The following FBL variants were observed in gnomAD, a reference collection of about 807,000 sequenced individuals.
FBL encodes rRNA 2'-O-methyltransferase fibrillarin.
FBL carries 10 observed loss-of-function variants against 42.2 expected under a neutral mutation model. That is an observed-to-expected ratio of 0.24 (90% CI 0.15 to 0.40). FBL has a LOEUF of 0.40. Among genes scored for constraint, FBL ranks in the 10% least tolerant of loss-of-function variants. The pLI, the probability that FBL is intolerant of heterozygous loss-of-function variation, is 1.00. For missense variants in FBL, 351 were observed against 439.2 expected, an observed-to-expected ratio of 0.80 and a Z score of 1.79; for synonymous variants, 165 against 165.4, an observed-to-expected ratio of 1.00 and a Z score of 0.02.
At position 39,840,915 on chromosome 19, in the gene FBL, A is replaced by G. The variant is rs913044755; in HGVS notation, c.11-128T>C. On this transcript the variant is annotated intron_variant, in intron 1 of 8. Transcript: ENST00000221801. The surrounding 1 kb of genome is among the most constrained non-coding windows in gnomAD (Gnocchi z 4.5). ...CCCGTGTACAGCAGGACACATTTCC[A>G]AGAATGTCCACAGCAAAAGAAAAGT... 3.7e-5 allele frequency: 32 copies of G among 873,530 alleles called. No homozygotes were observed. Among genetic ancestry groups the G allele is most frequent in the Non-Finnish European group, 5.3e-5 (32 of 607,158 alleles). 54.1% of individuals were successfully genotyped at this position (873,530 alleles called of 1,614,324 possible). A position where few individuals can be genotyped will look rare whatever the true frequency, so the allele number is the denominator to read the frequency against.
rs746707722 is a variant in FBL at position 39,834,765 on chromosome 19, C to G, written c.844G>C (p.Glu282Gln). The G allele has an allele frequency of 3.7e-6, 6 of 1,614,146 alleles. No homozygotes were observed. In the South Asian group the frequency reaches 6.6e-5, roughly 18 times the overall value. Residue 282 changes from glutamate to glutamine, a missense_variant, in exon 8 of 9, where the codon GAA (glutamate) becomes CAA (glutamine). Coordinates refer to ENST00000221801, the MANE Select transcript of FBL (RefSeq NM_001436.4). The part of the protein sequence containing the change: ...TASAEAVFAS[E>Q]VKKMQQENMK... ...TTCTCCTGTTGCATCTTTTTCACTT[C>G]GGAGGCAAACACGGCCTCGGCTGAG...
chr19:39,840,515 C>T lies in FBL; in HGVS notation c.182G>A (p.Gly61Asp). Residue 61 changes from glycine to aspartate, a missense_variant and splice_region_variant, in exon 3 of 9, where the codon GGT (glycine) becomes GAT (aspartate). Gly to Asp is a moderately conservative substitution (Grantham distance 94, BLOSUM62 -1). Coordinates refer to ENST00000221801, the MANE Select transcript of FBL (RefSeq NM_001436.4). The surrounding 1 kb of genome is among the most constrained non-coding windows in gnomAD (Gnocchi z 4.5). ...GGGGGGGGRG[G>D]GGFHSGGNRG... is the part of the protein sequence containing the mutation. ...GTTGCCACCAGAATGGAAGCCTCCA[C>T]CTATAAAGGAGAGGTACAACAGGAG... The T allele has an allele frequency of 1.2e-6, 2 of 1,614,132 alleles. No individual in the cohort carries two copies. Among genetic ancestry groups the T allele is most frequent in the African/African-American group, 2.7e-5 (2 of 75,034 alleles).
In FBL at chr19:39,840,893, G is replaced by A. The variant is rs757870849; in HGVS notation, c.11-106C>T. 168 of 1,067,138 alleles carry A rather than the reference G, an allele frequency of 1.6e-4. No individual in the cohort carries two copies. Among genetic ancestry groups the A allele is most frequent in the Non-Finnish European group, 1.8e-4 (140 of 763,322 alleles). The allele number at this position is 1,067,138 out of a possible 1,614,324, so 66.1% of individuals were successfully genotyped here. ...TGAGAAACCTGAAATACATGTGCCC[G>A]TGTACAGCAGGACACATTTCCAAGA... On this transcript the variant is annotated intron_variant, in intron 1 of 8. Coordinates refer to ENST00000221801, the MANE Select transcript of FBL (RefSeq NM_001436.4). The surrounding 1 kb of genome is among the most constrained non-coding windows in gnomAD (Gnocchi z 4.5).
At position 39,840,668 on chromosome 19, in the gene FBL, C is replaced by G; in HGVS notation, c.130G>C (p.Gly44Arg). The G allele has an allele frequency of 6.2e-7, 1 of 1,608,170 alleles. No individual in the cohort carries two copies. Among genetic ancestry groups the G allele is most frequent in the Non-Finnish European group, 8.5e-7 (1 of 1,177,326 alleles). Reference sequence around the variant, plus strand: ...CCGCCGCCTCCACCTCCTCCTCGTCCACGACCTCTAAAGCCTCCGCCTCGA... The same window carrying G: ...CCGCCGCCTCCACCTCCTCCTCGTCGACGACCTCTAAAGCCTCCGCCTCGA... ...RGRGGGFRGR[G>R]RGGGGGGGGG... Residue 44 changes from glycine (G) to arginine (R), a missense_variant, in exon 2 of 9, where the codon GGA becomes CGA. Transcript: ENST00000221801. This position sits in a 1 kb window ranked among gnomAD's most constrained non-coding sequence, Gnocchi z 4.5.
chr19:39,846,271 G>A lies in FBL; in HGVS notation c.10+20C>T. 2 of 1,613,726 alleles carry A rather than the reference G, an allele frequency of 1.2e-6. No homozygotes were observed. Among genetic ancestry groups the A allele is most frequent in the Non-Finnish European group, 1.7e-6 (2 of 1,179,770 alleles). On this transcript the variant is annotated intron_variant, in intron 1 of 8. Coordinates refer to ENST00000221801, the MANE Select transcript of FBL (RefSeq NM_001436.4). Reference sequence around the variant, plus strand: ...CGCCCGGCCTCCGTCCCTGACCCCGGACCCTCACCCCAGCCTGACCTGGCT... The same window carrying A: ...CGCCCGGCCTCCGTCCCTGACCCCGAACCCTCACCCCAGCCTGACCTGGCT...
chr19:39,837,384 C>T (rs529858437), intron 6 of FBL, among the ~76,000 whole-genome samples: 11 of 152,150 alleles, frequency 7.2e-5, no homozygotes, highest in Admixed American at 5.2e-4. Flanking sequence ...TATGCTCTCA[C>T]CAGACAATGA....
At chr19:39,837,519 G>A (rs1969073290) in intron 6 of FBL, among the ~76,000 whole-genome samples, 192 bp downstream of exon 6, 1 of 152,142 alleles carries the variant, frequency 6.6e-6, no homozygotes, top group African/African-American at 2.4e-5. Flanking sequence ...TCCAAGGGTG[G>A]CTTCCAAGAC....
intron 5 of FBL, 27 bp from the exon 6 acceptor site, chr19:39,837,870 A>G: frequency 6.2e-7 from 1 of 1,604,680 alleles, no homozygotes; most frequent in Non-Finnish European, 8.5e-7. Context: ...ATTAATGAAC[A>G]GTGATGCTAG....
chr19:39,838,932 C>T, intron 5 of FBL, 103 bp downstream of exon 5: 2 of 1,049,586 alleles, frequency 1.9e-6, no homozygotes, highest in South Asian at 1.5e-5. Context: ...AGGGCCTGGC[C>T]CTAAGTCACA....
At chr19:39,839,538 T>G (rs1969116014) in intron 4 of FBL, among the ~76,000 whole-genome samples, 1 of 151,982 alleles carries the variant, frequency 6.6e-6, no homozygotes, top group African/African-American at 2.4e-5. Flanking sequence ...GTGTAAGTAT[T>G]CACCGAACTA....
At position 39,840,258 on chromosome 19, in the gene FBL, T is replaced by C. The variant is rs1568541124; in HGVS notation, c.353A>G (p.Tyr118Cys). 6.2e-6 allele frequency: 10 copies of C among 1,613,942 alleles called. No homozygotes were observed. The highest frequency in any genetic ancestry group is 8.5e-6 in the Non-Finnish European group (10 of 1,179,966). The change falls in exon 4 of 9, where the codon TAT becomes TGT. Residue 118 changes from tyrosine (Y) to cysteine (C), a missense_variant. Transcript: ENST00000221801. The surrounding 1 kb of genome is among the most constrained non-coding windows in gnomAD (Gnocchi z 4.5). ...CGAAATCGAGACTCTCTTCTCTCCA[T>C]AAACTGATTCCCCAGGGACCAGGTT... ...TKNLVPGESV[Y>C]GEKRVSISEG... is the part of the protein sequence containing the mutation.
intron 8 of FBL, 22 bp from the exon 9 acceptor site, chr19:39,834,584 T>C: frequency 6.2e-7 from 1 of 1,614,170 alleles, no homozygotes; most frequent in Non-Finnish European, 8.5e-7. Context: ...AGATAGGTGA[T>C]GAAGGAGGGT....
chr19:39,834,888 T>A, intron 7 of FBL, 75 bp from the exon 8 acceptor site: 2 of 1,475,432 alleles, frequency 1.4e-6, no homozygotes, highest in Admixed American at 3.6e-5. Flanking sequence ...TTAAACCAGA[T>A]GTTTTCATTA....
At position 39,836,841 on chromosome 19, in the gene FBL, C is replaced by T. The variant is rs1026624598; in HGVS notation, c.683-173G>A. 4.5e-4 allele frequency among the ~76,000 whole-genome samples: 69 copies of T among 152,252 alleles called. 1 individual carries two copies. Among genetic ancestry groups the T allele is most frequent in the Non-Finnish European group, 1.5e-5 (1 of 68,044 alleles). On this transcript the variant is annotated intron_variant, in intron 6 of 8. Coordinates refer to ENST00000221801, the MANE Select transcript of FBL (RefSeq NM_001436.4). ...CCAGTGTCCCAAGATGAGTCCAAAA[C>T]CCACAGTCACATCATTCATCCACTC...
rs184643003 is a variant in FBL, at chr19:39,846,270, G to A, written c.10+21C>T. 1,002 of 1,613,600 alleles carry A rather than the reference G, an allele frequency of 6.2e-4. 10 individuals are homozygous for A. In the African/African-American group the frequency reaches 9.8e-3, roughly 16 times the overall value. On this transcript the variant is annotated intron_variant, in intron 1 of 8. Coordinates refer to ENST00000221801, the MANE Select transcript of FBL (RefSeq NM_001436.4). ...CCGCCCGGCCTCCGTCCCTGACCCC[G>A]GACCCTCACCCCAGCCTGACCTGGC...
In FBL at chr19:39,840,341, T is replaced by G; in HGVS notation, c.284-14A>C. 3 of 1,613,380 alleles carry G rather than the reference T, an allele frequency of 1.9e-6. No individual in the cohort carries two copies. Among genetic ancestry groups the G allele is most frequent in the African/African-American group, 1.3e-5 (1 of 74,984 alleles). Reference sequence around the variant, plus strand: ...AAATGAAGACACCTGGGTGAGGGGATCAGAGCAGGGGTGAGGACCCCCAGC... The same window carrying G: ...AAATGAAGACACCTGGGTGAGGGGAGCAGAGCAGGGGTGAGGACCCCCAGC... On this transcript the variant is annotated splice_polypyrimidine_tract_variant and intron_variant, in intron 3 of 8. Transcript: ENST00000221801. The surrounding 1 kb of genome is among the most constrained non-coding windows in gnomAD (Gnocchi z 4.5).
At chr19:39,836,397 T>C (rs1969049259) in intron 7 of FBL, among the ~76,000 whole-genome samples, 159 bp downstream of exon 7, 1 of 152,134 alleles carries the variant, frequency 6.6e-6, no homozygotes, top group African/African-American at 2.4e-5. Context: ...AGACTCAATT[T>C]TGCACTTGAC....
chr19:39,837,778 C>A lies in FBL; in HGVS notation c.615G>T (p.Lys205Asn), dbSNP rs753581314. 6.2e-7 allele frequency: 1 copy of A among 1,608,862 alleles called. No homozygotes were observed. Among genetic ancestry groups the A allele is most frequent in the Non-Finnish European group, 8.5e-7 (1 of 1,178,012 alleles). The change falls in exon 6 of 9, where the codon AAG becomes AAT. Residue 205 changes from lysine to asparagine, a missense_variant. Physicochemically the swap from Lys to Asn is moderately conservative, Grantham distance 94 (BLOSUM62 0). Transcript: ENST00000221801. ...RSGRDLINLA[K>N]KRTNIIPVIE... ...TCACAGGAATGATGTTGGTCCTCTTCTTGGCCAAGTTAATGAGGTCACGGC... is the reference window on the plus strand; with the variant it reads ...TCACAGGAATGATGTTGGTCCTCTTATTGGCCAAGTTAATGAGGTCACGGC...
intron 4 of FBL, among the ~76,000 whole-genome samples, chr19:39,839,626 T>C (rs972301109): frequency 6.7e-6 from 1 of 148,794 alleles, no homozygotes; most frequent in African/African-American, 2.5e-5. Flanking sequence ...GATACGGAGT[T>C]TGGGAAGCAG....
Sources: gnomAD v4.1 joint callset for allele counts (sites outside exome capture counted in the v4.1 genomes callset) on GRCh38, gnomAD v4.1.1 for gene constraint, Gnocchi (gnomAD v3.1) non-coding constraint, MANE v1.5 for transcripts, NCBI Gene and HGNC (gene_info 2026-07-23, HGNC 2026-07-21) for gene names.